The following TRIM6 variants were observed in gnomAD, a reference collection of about 807,000 sequenced individuals.
TRIM6 encodes tripartite motif containing 6.
Under a neutral mutation model 51.2 loss-of-function variants are expected in TRIM6, and 43 were observed. The observed-to-expected ratio is 0.84, with a 90% CI of 0.66 to 1.08. The LOEUF (loss-of-function observed/expected upper bound fraction) is 1.08. Ranked by LOEUF, TRIM6 falls within the 50% of genes least tolerant of loss-of-function variation. TRIM6 has a pLI of 0.00. For synonymous variants in TRIM6, 215 were observed against 232.4 expected (o/e 0.93, Z 0.68); for missense variants, 669 against 619.0 (o/e 1.08, Z -0.86).
chr11:5,604,589 A>T lies in TRIM6; in HGVS notation c.563A>T (p.Lys188Met), dbSNP rs1324050866. 6.2e-7 allele frequency: 1 copy of T among 1,613,318 alleles called. No individual in the cohort carries two copies. The stretch of plus-strand genomic sequence containing the variant: ...AAGAACGAGGAGCAGGAAGCTGAGA[A>T]GCTAACAGCTTTTATCAGAGAGAAG... Reference protein sequence around the residue: ...KLKNEEQEAEKLTAFIREKKT... With the variant: ...KLKNEEQEAEMLTAFIREKKT... The change falls in exon 3 of 8, where the codon AAG becomes ATG. Residue 188 changes from lysine (K) to methionine (M), a missense_variant. Lys to Met is a moderately conservative substitution (Grantham distance 95). Transcript: ENST00000380097.
chr11:5,598,386 C>A (rs1049692958), intron 1 of TRIM6, among the ~76,000 whole-genome samples: 3 of 152,092 alleles, frequency 2.0e-5, no homozygotes, highest in Admixed American at 6.5e-5. Context: ...AAGAATTTTT[C>A]TCTGTCTAAA....
rs1030737970 is a variant in TRIM6, at chr11:5,596,908, C to T, written c.11C>T (p.Ser4Leu). 3 of 1,614,022 alleles carry T rather than the reference C, an allele frequency of 1.9e-6. No homozygotes were observed. Among genetic ancestry groups the T allele is most frequent in the Non-Finnish European group, 1.7e-6 (2 of 1,179,988 alleles). Residue 4 changes from serine (S) to leucine (L), a missense_variant, in exon 1 of 8, where the codon TCA (serine) becomes TTA (leucine). Ser to Leu is a moderately radical substitution (Grantham distance 145). Coordinates refer to ENST00000380097, the MANE Select transcript of TRIM6 (RefSeq NM_001003818.3). The part of the protein sequence containing the change: MCG[S>L]ERILQAGNIL... Reference sequence around the variant, plus strand: ...CTTCTCATTCCCCAGATGTGCGGGTCAGAGAGGTATGTCTACCGTTCTGTT... The same window carrying T: ...CTTCTCATTCCCCAGATGTGCGGGTTAGAGAGGTATGTCTACCGTTCTGTT...
chr11:5,606,099 T>C (rs1394955560), intron 4 of TRIM6, among the ~76,000 whole-genome samples: 3 of 152,204 alleles, frequency 2.0e-5, no homozygotes. Flanking sequence ...GATGCTGTGT[T>C]GGGAATTTGC....
chr11:5,603,702 G>T lies in TRIM6; in HGVS notation c.474G>T (p.Thr158=). The change falls in exon 2 of 8, where the codon ACG becomes ACT. Residue 158 remains threonine (T), a synonymous_variant. Transcript: ENST00000380097. ...ERSQEHRGHH[T]FLVEEVAQEY... ...CTCAGGAGCACCGTGGTCACCACAC[G>T]TTCCTCGTGGAGGAGGTTGCCCAGG... 1 of 1,613,424 alleles carries T rather than the reference G, an allele frequency of 6.2e-7. No individual in the cohort carries two copies. Among genetic ancestry groups the T allele is most frequent in the Non-Finnish European group, 8.5e-7 (1 of 1,179,954 alleles).
At chr11:5,597,811 C>G (rs1847564678) in intron 1 of TRIM6, among the ~76,000 whole-genome samples, 1 of 152,178 alleles carries the variant, frequency 6.6e-6, no homozygotes, top group African/African-American at 2.4e-5. Context: ...CTGTCCCCCT[C>G]CCTCTTCTAG....
At chr11:5,597,982 C>CTTGGA (rs1847576288) in intron 1 of TRIM6, among the ~76,000 whole-genome samples, 1 of 152,314 alleles carries the variant, frequency 6.6e-6, no homozygotes, top group African/African-American at 2.4e-5. Flanking sequence ...GCATAAAGAA[C>CTTGGA]TCCAAGTGCT....
chr11:5,596,543 T>TCCCCCTTCCCCTTTCCCCTC (rs1554908482), upstream of TRIM6: 2 of 24,650 alleles, frequency 8.1e-5, no homozygotes, highest in Non-Finnish European at 1.5e-4. Context: ...CCTTCCCCCT[T>TCCCCCTTCCCCTTTCCCCTC]CCCCCTTCCC....
Position 5,605,398 on chromosome 11 carries a change from T to C in TRIM6, c.665T>C (p.Leu222Pro). The C allele has an allele frequency of 6.2e-7, 1 of 1,614,076 alleles. No individual in the cohort carries two copies. Reference sequence around the variant, plus strand: ...GAGTTTAATCAGCTGCGAAATATCCTAGACAGAGTGGAGCAACGGGAGCTG... The same window carrying C: ...GAGTTTAATCAGCTGCGAAATATCCCAGACAGAGTGGAGCAACGGGAGCTG... ...QTEFNQLRNI[L>P]DRVEQRELKK... The change falls in exon 4 of 8, where the codon CTA becomes CCA. Residue 222 changes from leucine to proline, a missense_variant. Transcript: ENST00000380097.
chr11:5,601,332 C>G (rs1394762731), intron 1 of TRIM6, among the ~76,000 whole-genome samples: 1 of 152,186 alleles, frequency 6.6e-6, no homozygotes, highest in Non-Finnish European at 1.5e-5. Flanking sequence ...TGTGTAAAGT[C>G]ACTTAATGTC....
At position 5,604,584 on chromosome 11, in the gene TRIM6, T is replaced by C. The variant is rs1277408709; in HGVS notation, c.558T>C (p.Ala186=). 2.5e-6 allele frequency: 4 copies of C among 1,613,112 alleles called. No individual in the cohort carries two copies. The African/African-American group carries it at 4.0e-5, about 16-fold the overall frequency. Residue 186 remains alanine, a synonymous_variant, in exon 3 of 8, where the codon GCT becomes GCC. Coordinates refer to ENST00000380097, the MANE Select transcript of TRIM6 (RefSeq NM_001003818.3). The part of the protein sequence containing the change: ...LKKLKNEEQE[A]EKLTAFIREK... Reference sequence around the variant, plus strand: ...AGCTGAAGAACGAGGAGCAGGAAGCTGAGAAGCTAACAGCTTTTATCAGAG... The same window carrying C: ...AGCTGAAGAACGAGGAGCAGGAAGCCGAGAAGCTAACAGCTTTTATCAGAG...
At chr11:5,605,215 C>T (rs1483531526) in intron 3 of TRIM6, 122 bp from the exon 4 acceptor site, 1 of 1,308,042 alleles carries the variant, frequency 7.6e-7, no homozygotes, top group African/African-American at 1.4e-5. Flanking sequence ...CAGCATTTAC[C>T]CTCCCTCTCC....
rs751430177 is a variant in TRIM6, at chr11:5,605,503, C to T, written c.770C>T (p.Ser257Leu). 38 of 1,613,994 alleles carry T rather than the reference C, an allele frequency of 2.4e-5. No individual in the cohort carries two copies. Among genetic ancestry groups the T allele is most frequent in the Middle Eastern group, 1.6e-4 (1 of 6,084 alleles). The change falls in exon 4 of 8, where the codon TCG becomes TTG. Residue 257 changes from serine (S) to leucine (L), a missense_variant. Ser to Leu is a moderately radical substitution (Grantham distance 145, BLOSUM62 -2). Coordinates refer to ENST00000380097, the MANE Select transcript of TRIM6 (RefSeq NM_001003818.3). ...AATGATCTGGTCCACCAGACCCAGTCGCTGCGAGAGCTCATCTCGGATCTG... is the reference window on the plus strand; with the variant it reads ...AATGATCTGGTCCACCAGACCCAGTTGCTGCGAGAGCTCATCTCGGATCTG... ...AENDLVHQTQ[S>L]LRELISDLER...
rs975544691 is a variant in TRIM6, at chr11:5,602,600, C to A, written c.18-646C>A. The stretch of plus-strand genomic sequence containing the variant: ...CATCACGAACGACAAATGCAAAAAT[C>A]CTGAGGCAGCAGTGTGTTTTAGGTG... On this transcript the variant is annotated intron_variant, in intron 1 of 7. Transcript: ENST00000380097. Among the ~76,000 whole-genome samples, 27 of 151,826 alleles carry A rather than the reference C, an allele frequency of 1.8e-4. 1 individual carries two copies. Among genetic ancestry groups the A allele is most frequent in the Admixed American group, 1.6e-3 (24 of 15,232 alleles).
chr11:5,611,489 T>G lies in TRIM6; in HGVS notation c.*147T>G. ...TCTTTTTTGAGATGGAATCTCGCTC[T>G]GTCGCCCAGGCTGGAGTGCACTGGC... On this transcript the variant is annotated 3_prime_UTR_variant, in exon 8 of 8. Transcript: ENST00000380097. The G allele has an allele frequency of 1.3e-6, 1 of 746,868 alleles. No individual in the cohort carries two copies. Among genetic ancestry groups the G allele is most frequent in the East Asian group, 2.6e-5 (1 of 38,260 alleles). 46.3% of individuals were successfully genotyped at this position (746,868 alleles called of 1,614,324 possible).
Position 5,611,455 on chromosome 11 carries a change from G to A in TRIM6, c.*113G>A. 1 of 1,032,380 alleles carries A rather than the reference G, an allele frequency of 9.7e-7. No homozygotes were observed. Among genetic ancestry groups the A allele is most frequent in the South Asian group, 1.6e-5 (1 of 61,966 alleles). The allele number at this position is 1,032,380 out of a possible 1,614,324, so 64.0% of individuals were successfully genotyped here. The stretch of plus-strand genomic sequence containing the variant: ...TTCTCAATTCTTTTGTTGTTTTTTG[G>A]TTTTTGAATCTTTTTTGAGATGGAA... On this transcript the variant is annotated 3_prime_UTR_variant, in exon 8 of 8. Transcript: ENST00000380097.
intron 3 of TRIM6, 104 bp from the exon 4 acceptor site, chr11:5,605,233 G>T: frequency 1.3e-6 from 2 of 1,490,220 alleles, no homozygotes. Context: ...TCCCTGGGAG[G>T]CTTGGCCCAG....
At position 5,610,165 on chromosome 11, in the gene TRIM6, G is replaced by C; in HGVS notation, c.878G>C (p.Arg293Thr). The change falls in exon 6 of 8, where the codon AGG (arginine) becomes ACG (threonine). Residue 293 changes from arginine (R) to threonine (T), a missense_variant. By Grantham distance (71) the Arg-to-Thr change is moderately conservative (BLOSUM62 -1). Coordinates refer to ENST00000380097, the MANE Select transcript of TRIM6 (RefSeq NM_001003818.3). ...VTERSEFWTLRKPEALPTKLR... is the reference protein window; with the variant it reads ...VTERSEFWTLTKPEALPTKLR... The stretch of plus-strand genomic sequence containing the variant: ...TCTAGGAGTGAGTTCTGGACCCTGA[G>C]GAAGCCAGAAGCTCTCCCTACAAAG... 6.2e-7 allele frequency: 1 copy of C among 1,614,106 alleles called. No individual in the cohort carries two copies. Among genetic ancestry groups the C allele is most frequent in the South Asian group, 1.1e-5 (1 of 91,078 alleles).
At chr11:5,609,704 C>T (rs1848450979) in intron 5 of TRIM6, among the ~76,000 whole-genome samples, 1 of 152,146 alleles carries the variant, frequency 6.6e-6, no homozygotes, top group African/African-American at 2.4e-5. Context: ...GGGCAGATCA[C>T]GAGGTCAGGA....
At chr11:5,606,638 T>A (rs1330652402) in intron 4 of TRIM6, among the ~76,000 whole-genome samples, 1 of 152,210 alleles carries the variant, frequency 6.6e-6, no homozygotes, top group African/African-American at 2.4e-5. Context: ...CTTGCCTTTT[T>A]GTCCTCATCA....
Sources: gnomAD v4.1 joint callset for allele counts (sites outside exome capture counted in the v4.1 genomes callset) on GRCh38, gnomAD v4.1.1 for gene constraint, MANE v1.5 for transcripts, NCBI Gene and HGNC (gene_info 2026-07-23, HGNC 2026-07-21) for gene names.